Variants in MUC20 observed in about 807,000 individuals in gnomAD.
MUC20 encodes the protein mucin 20, cell surface associated.
A neutral mutation model predicts 23.8 loss-of-function variants in MUC20; 14 were observed. The ratio of observed to expected loss-of-function variants is 0.59; its 90% CI spans 0.39 to 0.92. MUC20 has a LOEUF of 0.92. MUC20 is among the 40% of genes least tolerant of loss of function. MUC20 has a pLI of 0.00. For missense variants in MUC20, 375 were observed against 668.8 expected (o/e 0.56, Z 4.85); for synonymous variants, 166 against 279.3 (o/e 0.59, Z 4.04).
chr3:195,727,876 T>G (rs1283483046), intron 2 of MUC20, among the ~76,000 whole-genome samples: 3 of 139,488 alleles, frequency 2.2e-5, no homozygotes, highest in Non-Finnish European at 4.9e-5. Context: ...CCACCAGCTT[T>G]GCATATGTTA....
intron 3 of MUC20, 71 bp downstream of exon 3, chr3:195,729,810 C>G: frequency 7.1e-7 from 1 of 1,413,336 alleles, no homozygotes; most frequent in East Asian, 2.5e-5. Flanking sequence ...AGGGAAGACC[C>G]GCAGGACACA....
In MUC20 at chr3:195,726,544, G is replaced by C. The variant is rs1358249768; in HGVS notation, c.1941G>C (p.Arg647=). 1.9e-6 allele frequency: 3 copies of C among 1,613,854 alleles called. No individual in the cohort carries two copies. In the East Asian group the frequency reaches 6.7e-5, roughly 36 times the overall value. Residue 647 remains arginine, a synonymous_variant, in exon 2 of 4, where the codon CGG becomes CGC. Transcript: ENST00000447234. The stretch of plus-strand genomic sequence containing the variant: ...CAACAGCCACGCCCACGACTGCCCG[G>C]ACGAGGCCGACCACAGACGTGAGTG... The part of the protein sequence containing the change: ...KPPTATPTTA[R]TRPTTDVSAG...
intron 1 of MUC20, chr3:195,722,211 T>G (rs2641743): frequency 2.4e-4 from 129 of 532,012 alleles, no homozygotes; most frequent in Non-Finnish European, 2.9e-4. Context: ...CGGCCCTGTT[T>G]TTACCACCCC....
In MUC20 at chr3:195,729,710, C is replaced by A; in HGVS notation, c.2032C>A (p.Pro678Thr). 1 of 1,598,184 alleles carries A rather than the reference C, an allele frequency of 6.3e-7. No individual in the cohort carries two copies. Among genetic ancestry groups the A allele is most frequent in the Non-Finnish European group, 8.5e-7 (1 of 1,171,826 alleles). The change falls in exon 3 of 4, where the codon CCC becomes ACC. Residue 678 changes from proline (P) to threonine (T), a missense_variant. By Grantham distance (38) the Pro-to-Thr change is conservative. Around this residue, in one of 4 missense-constraint regions of MUC20, gnomAD observed 343 missense variants for 340.2 expected, o/e 1.01. Coordinates refer to ENST00000447234, the MANE Select transcript of MUC20 (RefSeq NM_001282506.2). ...SVASPEDLTDPRVAERLMQQL... is the reference protein window; with the variant it reads ...SVASPEDLTDTRVAERLMQQL... ...GGCTTCCCCGGAAGACCTCACTGAC[C>A]CCAGAGTGGCAGAAAGGCTGATGCA...
At chr3:195,729,456 A>T (rs989572217) in intron 2 of MUC20, 192 bp from the exon 3 acceptor site, 46 of 590,674 alleles carry the variant, frequency 7.8e-5, no homozygotes, top group Non-Finnish European at 1.2e-4. Flanking sequence ...AGCTGGGATT[A>T]CAGGCACGCA....
rs140495456 is a variant in MUC20 at position 195,731,940 on chromosome 3, G to A, written c.2062-1210G>A. ...CCCGGCATGTGATAATCAAAGTAGC[G>A]AGTGTGAATCCTTGTGGGAGAGGGA... On this transcript the variant is annotated intron_variant, in intron 3 of 3. Coordinates refer to ENST00000447234, the MANE Select transcript of MUC20 (RefSeq NM_001282506.2). 6.6e-3 allele frequency among the ~76,000 whole-genome samples: 996 copies of A among 151,926 alleles called. 9 individuals carry two copies. The highest frequency in any genetic ancestry group is 0.023 in the African/African-American group (953 of 41,422).
At chr3:195,730,339 TTTTC>T (rs1296723889) in intron 3 of MUC20, among the ~76,000 whole-genome samples, 3 of 152,366 alleles carry the variant, frequency 2.0e-5, no homozygotes, top group South Asian at 2.1e-4. Context: ...TCTTTTTTCT[TTTTC>T]TTTCTTTCTT....
In MUC20 at chr3:195,731,898, A is replaced by C. The variant is rs555454654; in HGVS notation, c.2062-1252A>C. Among the ~76,000 whole-genome samples the C allele has an allele frequency of 7.2e-5, 11 of 152,382 alleles. No individual in the cohort carries two copies. The East Asian group carries it at 2.1e-3, about 29-fold the overall frequency. ...ACGGGGGCTCGACACCCGATGGCCAAATAAGTGACAAATGCCCCCGGCATG... is the reference window on the plus strand; with the variant it reads ...ACGGGGGCTCGACACCCGATGGCCACATAAGTGACAAATGCCCCCGGCATG... On this transcript the variant is annotated intron_variant, in intron 3 of 3. Coordinates refer to ENST00000447234, the MANE Select transcript of MUC20 (RefSeq NM_001282506.2).
chr3:195,732,526 A>C (rs149060349), intron 3 of MUC20, among the ~76,000 whole-genome samples: 12,700 of 150,836 alleles, frequency 0.084, 211 homozygotes, highest in African/African-American at 0.17. Flanking sequence ...CTCCTGGCTA[A>C]TTTTTGTATT....
chr3:195,733,413 T>C lies in MUC20; in HGVS notation c.*195T>C. On this transcript the variant is annotated 3_prime_UTR_variant, in exon 4 of 4. Transcript: ENST00000447234. The stretch of plus-strand genomic sequence containing the variant: ...CCTCGCTCACATCCACCGGAGTGTA[T>C]GTGTGGGGAGGGGCTTCACCTGTTC... 2.8e-6 allele frequency: 4 copies of C among 1,444,564 alleles called. No homozygotes were observed. The highest frequency in any genetic ancestry group is 3.6e-6 in the Non-Finnish European group (4 of 1,102,032). The allele number at this position is 1,444,564 out of a possible 1,614,324, so 89.5% of individuals were successfully genotyped here. A position where few individuals can be genotyped will look rare whatever the true frequency, so the allele number is the denominator to read the frequency against.
chr3:195,727,456 CAG>C (rs1223441109), intron 2 of MUC20, among the ~76,000 whole-genome samples: 8 of 152,396 alleles, frequency 5.2e-5, no homozygotes, highest in East Asian at 3.9e-4. Flanking sequence ...AGGGACTTCT[CAG>C]GGGAGAAGTT....
At chr3:195,729,368 G>A in intron 2 of MUC20, 1 of 327,534 alleles carries the variant, frequency 3.1e-6, no homozygotes, top group South Asian at 5.4e-5. Flanking sequence ...CCAGGTTGGA[G>A]TGTAGTGCTG....
Position 195,726,572 on chromosome 3 carries a change from G to T in MUC20, c.1969G>T (p.Gly657Cys). ...GAGGCCGACCACAGACGTGAGTGCAGGTAAGTGGCTCCTGCTGGTGATCTT... is the reference window on the plus strand; with the variant it reads ...GAGGCCGACCACAGACGTGAGTGCATGTAAGTGGCTCCTGCTGGTGATCTT... The part of the protein sequence containing the change: ...RTRPTTDVSA[G>C]ENGGFLLLRL... Residue 657 changes from glycine to cysteine, a missense_variant and splice_region_variant, in exon 2 of 4, where the codon GGT becomes TGT. Around this residue, in one of 4 missense-constraint regions of MUC20, gnomAD observed 343 missense variants for 340.2 expected, o/e 1.01. Transcript: ENST00000447234. The T allele has an allele frequency of 6.2e-7, 1 of 1,605,908 alleles. No homozygotes were observed. The highest frequency in any genetic ancestry group is 8.5e-7 in the Non-Finnish European group (1 of 1,174,322).
chr3:195,732,660 G>A (rs1309427329), intron 3 of MUC20, among the ~76,000 whole-genome samples: 2 of 152,230 alleles, frequency 1.3e-5, no homozygotes, highest in African/African-American at 2.4e-5. Context: ...GCACCCGGCC[G>A]GGAAGCCAGT....
intron 3 of MUC20, among the ~76,000 whole-genome samples, chr3:195,732,067 G>A (rs572342960): frequency 3.9e-5 from 6 of 152,286 alleles, no homozygotes; most frequent in South Asian, 4.2e-4. Context: ...GCAGTGGTGC[G>A]ATCTTGGCTC....
intron 2 of MUC20, among the ~76,000 whole-genome samples, chr3:195,727,386 A>G (rs114077427): frequency 0.015 from 2,315 of 151,830 alleles, 10 homozygotes; most frequent in African/African-American, 0.053. Context: ...AAAAAAGGTA[A>G]GATAAAATAA....
At chr3:195,730,321 T>G (rs1200672704) in intron 3 of MUC20, among the ~76,000 whole-genome samples, 3 of 152,206 alleles carry the variant, frequency 2.0e-5, no homozygotes, top group African/African-American at 7.2e-5. Context: ...TCTCCCCACA[T>G]TTTCTTTTCT....
chr3:195,726,540 C>T lies in MUC20; in HGVS notation c.1937C>T (p.Ala646Val). The T allele has an allele frequency of 1.2e-6, 2 of 1,613,936 alleles. No homozygotes were observed. The highest frequency in any genetic ancestry group is 2.2e-5 in the East Asian group (1 of 44,894). Residue 646 changes from alanine to valine, a missense_variant, in exon 2 of 4, where the codon GCC becomes GTC. By Grantham distance (64) the Ala-to-Val change is moderately conservative (BLOSUM62 0). Transcript: ENST00000447234. Reference protein sequence around the residue: ...MKPPTATPTTARTRPTTDVSA... With the variant: ...MKPPTATPTTVRTRPTTDVSA... ...CCCCCAACAGCCACGCCCACGACTG[C>T]CCGGACGAGGCCGACCACAGACGTG...
intron 3 of MUC20, among the ~76,000 whole-genome samples, chr3:195,730,791 G>T (rs367755405): frequency 6.6e-6 from 1 of 152,234 alleles, no homozygotes; most frequent in Non-Finnish European, 1.5e-5. Flanking sequence ...AGAAAAAACC[G>T]CAGAGATGTA....
Sources: gnomAD v4.1 joint callset for allele counts (sites outside exome capture counted in the v4.1 genomes callset) on GRCh38, gnomAD v4.1.1 for gene constraint, gnomAD v4.1.1 regional missense constraint, MANE v1.5 for transcripts, NCBI Gene and HGNC (gene_info 2026-07-23, HGNC 2026-07-21) for gene names.